The following KL variants were observed in gnomAD, a reference collection of about 807,000 sequenced individuals.
KL encodes alpha-klotho.
In KL, 62 loss-of-function variants were observed where a neutral mutation model predicts 84.2. The observed-to-expected ratio is 0.74, with a 90% CI of 0.60 to 0.91. The LOEUF is 0.91. KL is among the 40% of genes least tolerant of loss of function. The pLI, the probability that KL is intolerant of heterozygous loss-of-function variation, is 0.00. For missense variants in KL, 1,261 were observed against 1,305.7 expected (o/e 0.97, Z 0.53); for synonymous variants, 528 against 528.0 (o/e 1.00, Z 0.00).
chr13:33,023,621 T>C (rs1566498365), intron 1 of KL, among the ~76,000 whole-genome samples: 1 of 152,234 alleles, frequency 6.6e-6, no homozygotes, highest in Non-Finnish European at 1.5e-5. Flanking sequence ...TTATGACTGA[T>C]ATAACTTTAT....
chr13:33,016,601 C>G lies in KL; in HGVS notation c.161C>G (p.Ala54Gly). Reference sequence around the variant, plus strand: ...TCGCGGCCTCCTGCCCCCGAGGCCGCGGGCCTCTTCCAGGGCACCTTCCCC... The same window carrying G: ...TCGCGGCCTCCTGCCCCCGAGGCCGGGGGCCTCTTCCAGGGCACCTTCCCC... ...RFSRPPAPEAAGLFQGTFPDG... is the reference protein window; with the variant it reads ...RFSRPPAPEAGGLFQGTFPDG... Residue 54 changes from alanine to glycine, a missense_variant, in exon 1 of 5, where the codon GCG (alanine) becomes GGG (glycine). By Grantham distance (60) the Ala-to-Gly change is moderately conservative (BLOSUM62 0). Transcript: ENST00000380099. 2 of 1,512,944 alleles carry G rather than the reference C, an allele frequency of 1.3e-6. No homozygotes were observed. The highest frequency in any genetic ancestry group is 1.8e-6 in the Non-Finnish European group (2 of 1,130,068). 93.7% of individuals were successfully genotyped at this position (1,512,944 alleles called of 1,614,324 possible).
At chr13:33,027,736 T>C (rs1296239564) in intron 1 of KL, among the ~76,000 whole-genome samples, 2 of 152,222 alleles carry the variant, frequency 1.3e-5, no homozygotes, top group African/African-American at 4.8e-5. Flanking sequence ...TGAAGCACCA[T>C]TTGTGCAAGG....
chr13:33,057,123 G>A (rs1455853017), intron 3 of KL, among the ~76,000 whole-genome samples: 1 of 152,112 alleles, frequency 6.6e-6, no homozygotes. Flanking sequence ...AGATCGGATG[G>A]TCCCTGGTCC....
At chr13:33,054,989 C>A (rs1013023907) in intron 2 of KL, 58 bp from the exon 3 acceptor site, 5 of 1,610,450 alleles carry the variant, frequency 3.1e-6, no homozygotes, top group Non-Finnish European at 4.2e-6. Context: ...GCTCTTGAAC[C>A]ATGATGCAAG....
chr13:33,059,798 A>G (rs1872104051), intron 3 of KL, among the ~76,000 whole-genome samples: 1 of 152,102 alleles, frequency 6.6e-6, no homozygotes, highest in Admixed American at 6.5e-5. Context: ...ACCATCAGTC[A>G]GATTGAATTT....
chr13:33,017,254 C>T lies in KL; in HGVS notation c.814C>T (p.Leu272Phe). 1 of 1,571,896 alleles carries T rather than the reference C, an allele frequency of 6.4e-7. No individual in the cohort carries two copies. The highest frequency in any genetic ancestry group is 8.6e-7 in the Non-Finnish European group (1 of 1,165,560). Residue 272 changes from leucine (L) to phenylalanine (F), a missense_variant, in exon 1 of 5, where the codon CTC (leucine) becomes TTC (phenylalanine). Physicochemically the swap from Leu to Phe is conservative, Grantham distance 22. Transcript: ENST00000380099. Reference sequence around the variant, plus strand: ...CGGGTACCTGGTGGCGCACAACCTCCTCCTGGTGAGTGCGAGGGGCCAGGC... The same window carrying T: ...CGGGTACCTGGTGGCGCACAACCTCTTCCTGGTGAGTGCGAGGGGCCAGGC... ...RLGYLVAHNL[L>F]LAHAKVWHLY...
At chr13:33,021,181 G>C (rs549504741) in intron 1 of KL, among the ~76,000 whole-genome samples, 1 of 152,312 alleles carries the variant, frequency 6.6e-6, no homozygotes, top group East Asian at 1.9e-4. Context: ...ATAAACTCAT[G>C]CTACTAGAAT....
chr13:33,043,812 T>G (rs1400205060), intron 1 of KL, among the ~76,000 whole-genome samples: 1 of 152,216 alleles, frequency 6.6e-6, no homozygotes, highest in Non-Finnish European at 1.5e-5. Context: ...ACGTCAAAAT[T>G]AAAACCTGCT....
rs543489938 is a variant in KL, at chr13:33,060,843, G to T, written c.1764G>T (p.Met588Ile). 57 of 1,614,202 alleles carry T rather than the reference G, an allele frequency of 3.5e-5. No individual in the cohort carries two copies. The African/African-American group carries it at 4.7e-4, about 13-fold the overall frequency. The part of the protein sequence containing the change: ...IQPQIALLQE[M>I]HVTHFRFSLD... ...CCCAGATCGCTTTACTCCAGGAAAT[G>T]CACGTTACACATTTTCGCTTCTCCC... Residue 588 changes from methionine (M) to isoleucine (I), a missense_variant, in exon 4 of 5, where the codon ATG becomes ATT. Coordinates refer to ENST00000380099, the MANE Select transcript of KL (RefSeq NM_004795.4).
Position 33,016,589 on chromosome 13 carries a change from C to G in KL, c.149C>G (p.Ala50Gly), listed in dbSNP as rs1186993804. Residue 50 changes from alanine to glycine, a missense_variant, in exon 1 of 5, where the codon GCC becomes GGC. Ala to Gly is a moderately conservative substitution (Grantham distance 60). Coordinates refer to ENST00000380099, the MANE Select transcript of KL (RefSeq NM_004795.4). ...TGGGCCCGTTTCTCGCGGCCTCCTG[C>G]CCCCGAGGCCGCGGGCCTCTTCCAG... is the stretch of plus-strand genomic sequence containing the variant. ...QTWARFSRPPAPEAAGLFQGT... is the reference protein window; with the variant it reads ...QTWARFSRPPGPEAAGLFQGT... 6.7e-7 allele frequency: 1 copy of G among 1,496,800 alleles called. No homozygotes were observed. Among genetic ancestry groups the G allele is most frequent in the South Asian group, 1.3e-5 (1 of 75,706 alleles). 92.7% of individuals were successfully genotyped at this position (1,496,800 alleles called of 1,614,324 possible).
rs770780681 is a variant in KL at position 33,060,835 on chromosome 13, C to T, written c.1756C>T (p.Gln586Ter). 1.1e-5 allele frequency: 17 copies of T among 1,614,090 alleles called. No individual in the cohort carries two copies. The highest frequency in any genetic ancestry group is 1.0e-4 in the Admixed American group (6 of 60,014). Residue 586 changes from glutamine (Q) to a stop codon, truncating the protein, a stop_gained, in exon 4 of 5, where the codon CAG (glutamine) becomes TAG (stop). Coordinates refer to ENST00000380099, the MANE Select transcript of KL (RefSeq NM_004795.4). LOFTEE classifies it high-confidence loss of function. ...AAIQPQIALL[Q>*]EMHVTHFRFS... ...CATCCAGCCCCAGATCGCTTTACTC[C>T]AGGAAATGCACGTTACACATTTTCG...
At chr13:33,047,257 CTCTT>C (rs1159638169) in intron 1 of KL, among the ~76,000 whole-genome samples, 1 of 151,966 alleles carries the variant, frequency 6.6e-6, no homozygotes, top group Non-Finnish European at 1.5e-5. Flanking sequence ...CATAATATGT[CTCTT>C]TCCATTCTTT....
At chr13:33,034,112 A>G (rs931606583) in intron 1 of KL, among the ~76,000 whole-genome samples, 19 of 152,200 alleles carry the variant, frequency 1.2e-4, no homozygotes, top group Non-Finnish European at 4.4e-5. Flanking sequence ...ACATTTGTAA[A>G]TGAATCTGGC....
chr13:33,064,023 T>G lies in KL; in HGVS notation c.2876T>G (p.Leu959Arg). Reference sequence around the variant, plus strand: ...AATGGTTTCCCGGGCCCAGAAACTCTGGAAAGATTTTGTCCAGAAGAATTC... The same window carrying G: ...AATGGTTTCCCGGGCCCAGAAACTCGGGAAAGATTTTGTCCAGAAGAATTC... The part of the protein sequence containing the change: ...DSNGFPGPET[L>R]ERFCPEEFTV... Residue 959 changes from leucine to arginine, a missense_variant, in exon 5 of 5, where the codon CTG (leucine) becomes CGG (arginine). Transcript: ENST00000380099. 1 of 1,614,240 alleles carries G rather than the reference T, an allele frequency of 6.2e-7. No individual in the cohort carries two copies. Among genetic ancestry groups the G allele is most frequent in the African/African-American group, 1.3e-5 (1 of 75,052 alleles).
intron 2 of KL, among the ~76,000 whole-genome samples, 154 bp from the exon 3 acceptor site, chr13:33,054,893 T>C (rs1018631783): frequency 3.9e-5 from 6 of 152,226 alleles, no homozygotes; most frequent in African/African-American, 1.2e-4. Flanking sequence ...TAGGTTTGAT[T>C]AGAGTCTTTC....
At chr13:33,048,367 C>A (rs7328475) in intron 1 of KL, among the ~76,000 whole-genome samples, 2,219 of 152,268 alleles carry the variant, frequency 0.015, 61 homozygotes, top group African/African-American at 0.05. Flanking sequence ...CAGGTAATGA[C>A]CTTCCTGAGT....
intron 4 of KL, 31 bp from the exon 5 acceptor site, chr13:33,063,818 T>A: frequency 6.4e-7 from 1 of 1,573,212 alleles, no homozygotes; most frequent in Non-Finnish European, 8.7e-7. Flanking sequence ...AAATACGTAA[T>A]AACTACTCTC....
intron 1 of KL, among the ~76,000 whole-genome samples, chr13:33,023,436 C>T (rs893056563): frequency 1.3e-5 from 2 of 152,158 alleles, no homozygotes; most frequent in African/African-American, 4.8e-5. Flanking sequence ...CATACAAATG[C>T]ATTAGACATG....
At chr13:33,037,494 T>A (rs1377315852) in intron 1 of KL, among the ~76,000 whole-genome samples, 1 of 152,176 alleles carries the variant, frequency 6.6e-6, no homozygotes, top group Admixed American at 6.5e-5. Context: ...TACAATGTGA[T>A]GTAGACTGAT....
Sources: allele counts gnomAD v4.1 joint callset (sites outside exome capture counted in the v4.1 genomes callset), GRCh38; gene constraint gnomAD v4.1.1; transcripts MANE v1.5; gene names NCBI Gene and HGNC (gene_info 2026-07-23, HGNC 2026-07-21).